Variants in TRPC4 observed in about 807,000 individuals in gnomAD.
The protein encoded by TRPC4 is short transient receptor potential channel 4.
A neutral mutation model predicts 99.4 loss-of-function variants in TRPC4; 49 were observed. That is an observed-to-expected ratio of 0.49 (90% CI 0.39 to 0.63). TRPC4 has a LOEUF of 0.63. Ranked by LOEUF, TRPC4 falls within the 20% of genes least tolerant of loss-of-function variation. The pLI, the probability that TRPC4 is intolerant of heterozygous loss-of-function variation, is 0.00. For synonymous variants in TRPC4, 454 were observed against 425.9 expected (o/e 1.07, Z -0.81); for missense variants, 898 against 1,152.9 (o/e 0.78, Z 3.20).
chr13:37,642,806 C>T lies in TRPC4; in HGVS notation c.2080-3507G>A, dbSNP rs116176700. ...TGTGGAGTGCAATGATCTCGGCACA[C>T]TGCAACCTCTGTCTCCCAGATTCAA... On this transcript the variant is annotated intron_variant, in intron 8 of 10. Coordinates refer to ENST00000379705, the MANE Select transcript of TRPC4 (RefSeq NM_016179.4). Among the ~76,000 whole-genome samples, 574 of 151,388 alleles carry T rather than the reference C, an allele frequency of 3.8e-3. 8 individuals are homozygous for T. Among genetic ancestry groups the T allele is most frequent in the African/African-American group, 0.013 (554 of 41,152 alleles).
chr13:37,835,830 G>A (rs563847106), intron 1 of TRPC4, among the ~76,000 whole-genome samples: 44 of 151,894 alleles, frequency 2.9e-4, no homozygotes, highest in Non-Finnish European at 5.2e-4. Context: ...ATATAACAAG[G>A]GTAAATACAA....
rs181923594 is a variant in TRPC4 at position 37,810,161 on chromosome 13, G to A, written c.-27-26801C>T. Among the ~76,000 whole-genome samples, 932 of 152,098 alleles carry A rather than the reference G, an allele frequency of 6.1e-3. 7 individuals carry two copies. Among genetic ancestry groups the A allele is most frequent in the South Asian group, 0.02 (94 of 4,816 alleles). ...ATCATGCTAGAAGTATTTCTGCTTT[G>A]ATAAGTTAAAAATACAGAATTCCAT... On this transcript the variant is annotated intron_variant, in intron 1 of 10. Transcript: ENST00000379705.
intron 8 of TRPC4, among the ~76,000 whole-genome samples, chr13:37,645,721 T>C (rs150409244): frequency 9.1e-4 from 138 of 152,350 alleles, no homozygotes; most frequent in Middle Eastern, 3.4e-3. Flanking sequence ...ACAGTCTTTC[T>C]GCACCCTTAT....
At chr13:37,836,219 C>G (rs370006177) in intron 1 of TRPC4, among the ~76,000 whole-genome samples, 1 of 152,030 alleles carries the variant, frequency 6.6e-6, no homozygotes, top group Non-Finnish European at 1.5e-5. Context: ...TGTAAATTGC[C>G]CAGTCTCGGG....
At chr13:37,794,150 T>TA (rs1487555485) in intron 1 of TRPC4, among the ~76,000 whole-genome samples, 1 of 152,068 alleles carries the variant, frequency 6.6e-6, no homozygotes, top group East Asian at 1.9e-4. Context: ...AAACTTACAC[T>TA]AAAAAGGAGG....
intron 1 of TRPC4, among the ~76,000 whole-genome samples, chr13:37,841,130 G>T (rs149547475): frequency 6.6e-6 from 1 of 152,176 alleles, no homozygotes; most frequent in African/African-American, 2.4e-5. Flanking sequence ...AATAACAGGT[G>T]ATTTACAGAG....
intron 3 of TRPC4, among the ~76,000 whole-genome samples, chr13:37,692,662 A>G (rs1463072099): frequency 6.6e-6 from 1 of 152,182 alleles, no homozygotes; most frequent in African/African-American, 2.4e-5. Flanking sequence ...GTTTATAAAG[A>G]TACACACCTA....
intron 3 of TRPC4, among the ~76,000 whole-genome samples, chr13:37,734,489 C>T (rs1235842242): frequency 1.3e-5 from 2 of 152,088 alleles, no homozygotes; most frequent in African/African-American, 4.8e-5. Context: ...CTCTGCTAGC[C>T]TCCTCATGTG....
At chr13:37,757,276 G>C (rs985111240) in intron 2 of TRPC4, among the ~76,000 whole-genome samples, 1 of 151,984 alleles carries the variant, frequency 6.6e-6, no homozygotes, top group Non-Finnish European at 1.5e-5. Flanking sequence ...TATGGAAACT[G>C]ACTTTTGGCC....
intron 5 of TRPC4, among the ~76,000 whole-genome samples, chr13:37,669,000 C>T (rs1040593224): frequency 2.0e-5 from 3 of 152,082 alleles, no homozygotes; most frequent in African/African-American, 4.8e-5. Flanking sequence ...CAATCCCACA[C>T]TTTGGGGAGC....
chr13:37,724,920 A>G (rs56173772), intron 3 of TRPC4, among the ~76,000 whole-genome samples: 4,020 of 152,328 alleles, frequency 0.026, 86 homozygotes, highest in East Asian at 0.062. Context: ...CTGTAAATCA[A>G]TAGAAGTTGT....
chr13:37,746,527 C>T, intron 2 of TRPC4, 72 bp from the exon 3 acceptor site: 4 of 1,481,264 alleles, frequency 2.7e-6, no homozygotes, highest in Non-Finnish European at 3.6e-6. Context: ...ATACACCATG[C>T]TATAGCAATA....
chr13:37,672,220 A>G (rs1051225128), intron 5 of TRPC4, among the ~76,000 whole-genome samples: 3 of 152,224 alleles, frequency 2.0e-5, no homozygotes, highest in Non-Finnish European at 2.9e-5. Context: ...GTTCTTATAT[A>G]TGAAAAAATA....
intron 1 of TRPC4, among the ~76,000 whole-genome samples, chr13:37,828,404 G>C (rs528795238): frequency 2.2e-4 from 34 of 152,286 alleles, no homozygotes; most frequent in Middle Eastern, 3.4e-3. Flanking sequence ...AATTAGTTCC[G>C]GCATTGTGGA....
chr13:37,694,484 G>A (rs902360318), intron 3 of TRPC4, among the ~76,000 whole-genome samples: 3 of 152,104 alleles, frequency 2.0e-5, no homozygotes, highest in African/African-American at 7.2e-5. Flanking sequence ...ACTTTCTTAG[G>A]AGAATTTAAG....
intron 8 of TRPC4, among the ~76,000 whole-genome samples, chr13:37,644,372 T>C (rs1951807362): frequency 1.3e-5 from 2 of 152,196 alleles, no homozygotes; most frequent in African/African-American, 4.8e-5. Context: ...AGTGGGTATT[T>C]AGCTTTAATA....
chr13:37,656,795 A>C (rs1463837103), intron 6 of TRPC4, among the ~76,000 whole-genome samples: 1 of 152,152 alleles, frequency 6.6e-6, no homozygotes, highest in Admixed American at 6.5e-5. Context: ...GCAATAAGTA[A>C]ACTCGGAATA....
At chr13:37,749,178 A>G (rs1179912353) in intron 2 of TRPC4, among the ~76,000 whole-genome samples, 1 of 151,988 alleles carries the variant, frequency 6.6e-6, no homozygotes, top group Non-Finnish European at 1.5e-5. Flanking sequence ...GCCTTCTGCC[A>G]CGATTATAAG....
intron 8 of TRPC4, among the ~76,000 whole-genome samples, chr13:37,649,636 A>AG (rs1300395206): frequency 6.9e-6 from 1 of 145,218 alleles, no homozygotes; most frequent in Non-Finnish European, 1.5e-5. Context: ...CGGGAGGCTG[A>AG]GGCAGGAGAA....
Sources: gnomAD v4.1 joint callset for allele counts (sites outside exome capture counted in the v4.1 genomes callset) on GRCh38, gnomAD v4.1.1 for gene constraint, MANE v1.5 for transcripts, NCBI Gene and HGNC (gene_info 2026-07-23, HGNC 2026-07-21) for gene names.